The following GIGYF2 variants were observed in gnomAD, a reference collection of about 807,000 sequenced individuals.
The protein encoded by GIGYF2 is GRB10 interacting GYF protein 2.
GIGYF2 carries 25 observed loss-of-function variants against 208.1 expected under a neutral mutation model. That is an observed-to-expected ratio of 0.12 (90% CI 0.09 to 0.17). GIGYF2 has a LOEUF of 0.17. GIGYF2 is among the 10% of genes least tolerant of loss of function. The pLI, the probability that GIGYF2 is intolerant of heterozygous loss-of-function variation, is 1.00. For missense variants in GIGYF2, 1,302 were observed against 1,579.4 expected, an observed-to-expected ratio of 0.82 and a Z score of 2.98; for synonymous variants, 534 against 543.8, an observed-to-expected ratio of 0.98 and a Z score of 0.25.
At chr2:232,798,933 C>G (rs1700305273) in intron 14 of GIGYF2, among the ~76,000 whole-genome samples, 2 of 150,458 alleles carry the variant, frequency 1.3e-5, no homozygotes, top group East Asian at 2.0e-4. Context: ...AATAGTTCCT[C>G]ATTTCCTCCA....
intron 15 of GIGYF2, among the ~76,000 whole-genome samples, chr2:232,807,223 T>TA (rs1049052142): frequency 6.6e-6 from 1 of 152,150 alleles, no homozygotes; most frequent in Non-Finnish European, 1.5e-5. Flanking sequence ...GTATTTTAAT[T>TA]AAAAAATGGA....
At chr2:232,737,040 A>G (rs560408026) in intron 3 of GIGYF2, among the ~76,000 whole-genome samples, 2 of 152,348 alleles carry the variant, frequency 1.3e-5, no homozygotes, top group African/African-American at 4.8e-5. Context: ...GTAAAGTTTC[A>G]TTGAAAGACA....
chr2:232,741,687 G>T (rs1697973268), intron 3 of GIGYF2, among the ~76,000 whole-genome samples: 1 of 152,024 alleles, frequency 6.6e-6, no homozygotes, highest in Non-Finnish European at 1.5e-5. Context: ...CAAGTGATCT[G>T]CCCTCCTTGG....
At chr2:232,731,510 G>A (rs1697495665) in intron 2 of GIGYF2, among the ~76,000 whole-genome samples, 1 of 152,196 alleles carries the variant, frequency 6.6e-6, no homozygotes, top group Non-Finnish European at 1.5e-5. Context: ...TAGTATTAAA[G>A]AAAAACCTTA....
In GIGYF2 at chr2:232,850,414, G is replaced by GC; in HGVS notation, c.3832+6dup. ...GAGCAGATCCCAGTTTATTAGGTGA[G>GC]CACGGTCCTAGTCTCAGCTGAGTGT... On this transcript the variant is annotated splice_donor_region_variant and intron_variant, in intron 28 of 28. Transcript: ENST00000373563. The GC allele has an allele frequency of 6.2e-7, 1 of 1,613,798 alleles. No homozygotes were observed. The highest frequency in any genetic ancestry group is 8.5e-7 in the Non-Finnish European group (1 of 1,179,652).
intron 22 of GIGYF2, among the ~76,000 whole-genome samples, chr2:232,836,363 TATAA>T (rs1701630454): frequency 1.5e-5 from 1 of 65,476 alleles, no homozygotes; most frequent in Non-Finnish European, 2.7e-5. Flanking sequence ...TATATATAAA[TATAA>T]ATATATATAA....
At chr2:232,709,663 G>A (rs1325906532) in intron 2 of GIGYF2, among the ~76,000 whole-genome samples, 1 of 151,980 alleles carries the variant, frequency 6.6e-6, no homozygotes, top group African/African-American at 2.4e-5. Context: ...ATAAAAATTA[G>A]CCGGGTGTGG....
rs143370656 is a variant in GIGYF2 at position 232,749,004 on chromosome 2, G to T, written c.189G>T (p.Leu63=). 6.3e-7 allele frequency: 1 copy of T among 1,582,112 alleles called. No individual in the cohort carries two copies. The highest frequency in any genetic ancestry group is 1.1e-5 in the South Asian group (1 of 90,442). The part of the protein sequence containing the change: ...LKDNKIPSDL[L]DKEFLPILQE... ...TCCTACAGATACCTTCAGACCTTCTGGATAAAGAATTTCTGCCTATCCTCC... is the reference window on the plus strand; with the variant it reads ...TCCTACAGATACCTTCAGACCTTCTTGATAAAGAATTTCTGCCTATCCTCC... The change falls in exon 5 of 29, where the codon CTG becomes CTT. Residue 63 remains leucine (L), a synonymous_variant. Transcript: ENST00000373563.
chr2:232,779,008 T>C (rs1699622355), intron 8 of GIGYF2, among the ~76,000 whole-genome samples: 1 of 152,186 alleles, frequency 6.6e-6, no homozygotes, highest in African/African-American at 2.4e-5. Context: ...TGCTGTTCCC[T>C]AAGTTCTCTC....
rs138305098 is a variant in GIGYF2 at position 232,770,815 on chromosome 2, A to G, written c.532+9379A>G. ...AAATTATTCTGTAACAGCATTACTTATAACTGACTATACCCTTTCCAAACA... is the reference window on the plus strand; with the variant it reads ...AAATTATTCTGTAACAGCATTACTTGTAACTGACTATACCCTTTCCAAACA... On this transcript the variant is annotated intron_variant, in intron 8 of 28. Coordinates refer to ENST00000373563, the MANE Select transcript of GIGYF2 (RefSeq NM_001103146.3). The G allele has an allele frequency of 6.5e-4, 562 of 866,600 alleles. 7 individuals are homozygous for G. The East Asian group carries it at 0.013, about 20-fold the overall frequency. 53.7% of individuals were successfully genotyped at this position (866,600 alleles called of 1,614,324 possible). A position where few individuals can be genotyped will look rare whatever the true frequency, so the allele number is the denominator to read the frequency against.
At chr2:232,779,998 T>C (rs907504940) in intron 8 of GIGYF2, among the ~76,000 whole-genome samples, 4 of 152,134 alleles carry the variant, frequency 2.6e-5, no homozygotes, top group Non-Finnish European at 1.5e-5. Context: ...ACAAAGTCAC[T>C]CCTTAAAAAA....
At position 232,796,116 on chromosome 2, in the gene GIGYF2, T is replaced by C; in HGVS notation, c.1534T>C (p.Leu512=). 6.2e-7 allele frequency: 1 copy of C among 1,607,630 alleles called. No individual in the cohort carries two copies. Residue 512 remains leucine (L), a synonymous_variant, in exon 14 of 29, where the codon TTG becomes CTG. Coordinates refer to ENST00000373563, the MANE Select transcript of GIGYF2 (RefSeq NM_001103146.3). The part of the protein sequence containing the change: ...LQDSALDDER[L]ASKLQEHRAK... ...AGACAGTGCACTAGATGATGAAAGATTGGCATCAAAACTGCAAGAGCACAG... is the reference window on the plus strand; with the variant it reads ...AGACAGTGCACTAGATGATGAAAGACTGGCATCAAAACTGCAAGAGCACAG...
chr2:232,775,731 C>T (rs1352856774), intron 8 of GIGYF2, among the ~76,000 whole-genome samples: 1 of 152,040 alleles, frequency 6.6e-6, no homozygotes, highest in Non-Finnish European at 1.5e-5. Context: ...TTTCTGTTGC[C>T]ATGATAAAAA....
intron 8 of GIGYF2, among the ~76,000 whole-genome samples, chr2:232,763,561 G>T (rs1014241948): frequency 6.6e-6 from 1 of 151,980 alleles, no homozygotes; most frequent in South Asian, 2.1e-4. Flanking sequence ...ACAGTGGCTC[G>T]CACCTGTAAT....
intron 21 of GIGYF2, among the ~76,000 whole-genome samples, chr2:232,827,531 C>T (rs1701287527): frequency 6.6e-6 from 1 of 152,148 alleles, no homozygotes; most frequent in South Asian, 2.1e-4. Flanking sequence ...AATTCAATGG[C>T]ACAATTTTAT....
At chr2:232,774,229 G>A (rs11890879) in intron 8 of GIGYF2, among the ~76,000 whole-genome samples, 15,262 of 152,106 alleles carry the variant, frequency 0.1, 1,101 homozygotes, top group African/African-American at 0.19. Context: ...CAAAACAGAT[G>A]TTTGACCCTG....
chr2:232,700,468 C>T (rs942758882), intron 1 of GIGYF2: 1 of 152,148 alleles, frequency 6.6e-6, no homozygotes, highest in Admixed American at 6.5e-5. Flanking sequence ...TTTATGATTG[C>T]CCTTCTGTAG....
At chr2:232,766,983 T>A (rs901710627) in intron 8 of GIGYF2, 1 of 152,154 alleles carries the variant, frequency 6.6e-6, no homozygotes, top group African/African-American at 2.4e-5. Context: ...CTTTTTTTTA[T>A]TGAAATGAAA....
intron 8 of GIGYF2, among the ~76,000 whole-genome samples, chr2:232,777,396 T>G (rs944789279): frequency 6.6e-6 from 1 of 152,222 alleles, no homozygotes; most frequent in African/African-American, 2.4e-5. Context: ...TGCTGTGGTA[T>G]GGCTTTGTGC....
Sources: gnomAD v4.1 joint callset for allele counts (sites outside exome capture counted in the v4.1 genomes callset) on GRCh38, gnomAD v4.1.1 for gene constraint, MANE v1.5 for transcripts, NCBI Gene and HGNC (gene_info 2026-07-23, HGNC 2026-07-21) for gene names.